Variants in ZNF606 observed in about 807,000 individuals in gnomAD.
ZNF606 encodes the protein zinc finger protein 606.
A neutral mutation model predicts 74.9 loss-of-function variants in ZNF606; 37 were observed. The observed-to-expected ratio is 0.49, with a 90% CI of 0.38 to 0.65. The LOEUF (loss-of-function observed/expected upper bound fraction) is 0.65, where lower values mean the gene tolerates loss of function less well. Ranked by LOEUF, ZNF606 falls within the 30% of genes least tolerant of loss-of-function variation. ZNF606 has a pLI of 0.00. For synonymous variants in ZNF606, 328 were observed against 312.4 expected, an observed-to-expected ratio of 1.05 and a Z score of -0.53; for missense variants, 852 against 952.9, an observed-to-expected ratio of 0.89 and a Z score of 1.39.
Position 58,001,294 on chromosome 19 carries a change from G to A in ZNF606, c.26C>T (p.Ser9Phe). Residue 9 changes from serine (S) to phenylalanine (F), a missense_variant, in exon 2 of 7, where the codon TCC becomes TTC. Physicochemically the swap from Ser to Phe is radical, Grantham distance 155 (BLOSUM62 -2). Around this residue, in one of 3 missense-constraint regions of ZNF606, gnomAD observed 545 missense variants for 542.5 expected, o/e 1.00. Transcript: ENST00000551380. MAAINPWA[S>F]WGALTDQSWG... ...GAAACACAACTTGGACTCACCCCAG[G>A]AGGCCCACGGGTTGATGGCTGCCAT... 2 of 1,614,152 alleles carry A rather than the reference G, an allele frequency of 1.2e-6. No individual in the cohort carries two copies. Among genetic ancestry groups the A allele is most frequent in the Non-Finnish European group, 1.7e-6 (2 of 1,180,032 alleles).
chr19:58,002,610 G>A lies in ZNF606; in HGVS notation c.-266C>T, dbSNP rs1455630471. The A allele has an allele frequency of 4.5e-6, 2 of 442,100 alleles. No individual in the cohort carries two copies. The highest frequency in any genetic ancestry group is 8.9e-6 in the Non-Finnish European group (2 of 223,532). The allele number at this position is 442,100 out of a possible 1,614,324, so 27.4% of individuals were successfully genotyped here. On this transcript the variant is annotated 5_prime_UTR_variant, in exon 1 of 7. Transcript: ENST00000551380. ...AGAAAACGAAGAACGCCCGGAGGCG[G>A]GAGGCCGGAGGCAGGCTGCTGGCTG...
Position 57,993,344 on chromosome 19 carries a change from CT to C in ZNF606, c.178-4624del, listed in dbSNP as rs1030291541. 1.3e-3 allele frequency among the ~76,000 whole-genome samples: 201 copies of C among 151,122 alleles called. 3 individuals carry two copies. The highest frequency in any genetic ancestry group is 4.6e-3 in the African/African-American group (191 of 41,228). On this transcript the variant is annotated intron_variant, in intron 4 of 6. Transcript: ENST00000551380. ...AAAAATCTCCTAAATAAACAGTTGGCTTTTTTTTTAAAGAACGTTAAAGAAA... is the reference window on the plus strand; with the variant it reads ...AAAAATCTCCTAAATAAACAGTTGGCTTTTTTTTAAAGAACGTTAAAGAAA...
upstream of ZNF606, chr19:58,003,254 G>A (rs777709381): frequency 2.2e-6 from 1 of 456,740 alleles, no homozygotes; most frequent in South Asian, 1.5e-5. Context: ...GAAGCTCGAC[G>A]GCTGAGAACG....
intron 4 of ZNF606, among the ~76,000 whole-genome samples, chr19:57,989,305 G>A (rs947958686): frequency 3.3e-5 from 5 of 151,760 alleles, no homozygotes; most frequent in African/African-American, 1.2e-4. Flanking sequence ...GCCATTAAAA[G>A]CACATTAGTT....
At chr19:57,988,343 T>C in intron 5 of ZNF606, 41 bp from the exon 6 acceptor site, 1 of 1,575,914 alleles carries the variant, frequency 6.3e-7, no homozygotes, top group Non-Finnish European at 8.7e-7. Context: ...GTCATGAGGC[T>C]TCAGGACAGC....
intron 1 of ZNF606, chr19:58,002,112 T>A (rs1440887846): frequency 6.6e-6 from 3 of 453,180 alleles, no homozygotes; most frequent in Non-Finnish European, 4.5e-6. Flanking sequence ...AAACGCAGAA[T>A]GCAAACCGTA....
chr19:57,999,868 G>T lies in ZNF606; in HGVS notation c.117C>A (p.His39Gln). ...WALCPQYPAW[H>Q]VEGSLEEGRR... ...TCCCCTCCTCCAGGCTTCCCTCCAC[G>T]TGCCAGGCAGGATACTGAGGACACA... Residue 39 changes from histidine to glutamine, a missense_variant, in exon 4 of 7, where the codon CAC (histidine) becomes CAA (glutamine). Physicochemically the swap from His to Gln is conservative, Grantham distance 24. This residue lies in a region of ZNF606 where 545 missense variants were observed against 542.5 expected (regional missense o/e 1.00). Coordinates refer to ENST00000551380, the MANE Select transcript of ZNF606 (RefSeq NM_001348022.3). The T allele has an allele frequency of 6.2e-7, 1 of 1,613,942 alleles. No homozygotes were observed. The highest frequency in any genetic ancestry group is 8.5e-7 in the Non-Finnish European group (1 of 1,180,006).
intron 4 of ZNF606, among the ~76,000 whole-genome samples, chr19:57,995,598 T>C (rs777531820): frequency 6.6e-6 from 1 of 152,142 alleles, no homozygotes; most frequent in South Asian, 2.1e-4. Flanking sequence ...GGCAGGCAGA[T>C]CACTGAGGAC....
chr19:57,983,411 C>A (rs915270055), intron 6 of ZNF606, among the ~76,000 whole-genome samples: 1 of 151,874 alleles, frequency 6.6e-6, no homozygotes, highest in Non-Finnish European at 1.5e-5. Flanking sequence ...CCCGTCTCTA[C>A]TAAAAAAATA....
chr19:57,986,319 G>C (rs1033465264), intron 6 of ZNF606, among the ~76,000 whole-genome samples: 1 of 152,106 alleles, frequency 6.6e-6, no homozygotes, highest in African/African-American at 2.4e-5. Context: ...AGGCGTGGTT[G>C]TGTGCACCTA....
intron 1 of ZNF606, 113 bp downstream of exon 1, chr19:58,002,283 C>T: frequency 2.2e-6 from 1 of 456,766 alleles, no homozygotes; most frequent in South Asian, 1.5e-5. Context: ...GGTTATTCGT[C>T]CCATCAATGG....
intron 6 of ZNF606, among the ~76,000 whole-genome samples, chr19:57,980,639 T>C (rs1020805080): frequency 6.6e-6 from 1 of 151,996 alleles, no homozygotes; most frequent in Non-Finnish European, 1.5e-5. Flanking sequence ...ATCAAGACCA[T>C]CCTGGCTAAC....
Position 58,002,668 on chromosome 19 carries a change from C to A in ZNF606, c.-324G>T. On this transcript the variant is annotated 5_prime_UTR_variant, in exon 1 of 7. Transcript: ENST00000551380. ...GACGGCAACGACGGCGCAAAGCCGG[C>A]GCGGAAAGGGCAGGCGCAGGACCCA... The A allele has an allele frequency of 2.2e-6, 1 of 453,914 alleles. No individual in the cohort carries two copies. The highest frequency in any genetic ancestry group is 4.4e-6 in the Non-Finnish European group (1 of 225,704). 28.1% of individuals were successfully genotyped at this position (453,914 alleles called of 1,614,324 possible).
chr19:57,992,460 G>A lies in ZNF606; in HGVS notation c.178-3739C>T, dbSNP rs187087306. Among the ~76,000 whole-genome samples, 168 of 152,332 alleles carry A rather than the reference G, an allele frequency of 1.1e-3. 1 individual carries two copies. The highest frequency in any genetic ancestry group is 1.6e-4 in the Non-Finnish European group (11 of 68,030). The stretch of plus-strand genomic sequence containing the variant: ...GAGGGGATGGAGGAACTTATTCAAT[G>A]ACATCATGAAGGCAAAAATCAGGCA... On this transcript the variant is annotated intron_variant, in intron 4 of 6. Transcript: ENST00000551380.
chr19:58,003,342 T>C, upstream of ZNF606: 1 of 455,886 alleles, frequency 2.2e-6, no homozygotes, highest in Non-Finnish European at 4.4e-6. Flanking sequence ...ACCCTGTGAG[T>C]TTTCCTCTAT....
intron 1 of ZNF606, chr19:58,002,139 G>C: frequency 2.2e-6 from 1 of 456,456 alleles, no homozygotes; most frequent in South Asian, 1.5e-5. Flanking sequence ...ACCATTATTT[G>C]CAACTTGACA....
At chr19:58,001,969 C>A in intron 1 of ZNF606, 1 of 352,622 alleles carries the variant, frequency 2.8e-6, no homozygotes. Context: ...AGAGATGGGC[C>A]TGGCGCCCAG....
chr19:57,980,831 T>C (rs2073075837), intron 6 of ZNF606, among the ~76,000 whole-genome samples: 2 of 83,922 alleles, frequency 2.4e-5, no homozygotes, highest in African/African-American at 4.8e-5. Flanking sequence ...CGATACACCG[T>C]CTCAAAAAAA....
rs947821662 is a variant in ZNF606, at chr19:57,995,355, T to C, written c.177+4453A>G. Among the ~76,000 whole-genome samples, 4 of 151,960 alleles carry C rather than the reference T, an allele frequency of 2.6e-5. No homozygotes were observed. In the East Asian group the frequency reaches 7.7e-4, roughly 29 times the overall value. On this transcript the variant is annotated intron_variant, in intron 4 of 6. Coordinates refer to ENST00000551380, the MANE Select transcript of ZNF606 (RefSeq NM_001348022.3). ...AAAAACAATGGGGGAAAGAGGAACT[T>C]ATAAACCTGCCCATAAAAGAAACTA...
Sources: allele counts gnomAD v4.1 joint callset (sites outside exome capture counted in the v4.1 genomes callset), GRCh38; gene constraint gnomAD v4.1.1; regional missense constraint gnomAD v4.1.1; transcripts MANE v1.5; gene names NCBI Gene and HGNC (gene_info 2026-07-23, HGNC 2026-07-21).